The following CAT variants were observed in gnomAD, a reference collection of about 807,000 sequenced individuals.
The protein encoded by CAT is epididymis secretory sperm binding protein.
A neutral mutation model predicts 59.0 loss-of-function variants in CAT; 43 were observed. The observed-to-expected ratio is 0.73, with a 90% CI of 0.57 to 0.94. The LOEUF is 0.94. Among genes scored for constraint, CAT ranks in the 40% least tolerant of loss-of-function variants. The pLI is 0.00. For missense variants in CAT, 664 were observed against 682.9 expected (o/e 0.97, Z 0.31); for synonymous variants, 218 against 230.9 (o/e 0.94, Z 0.51).
In CAT at chr11:34,453,903, G is replaced by C. The variant is rs1298808237; in HGVS notation, c.688G>C (p.Val230Leu). 6.2e-7 allele frequency: 1 copy of C among 1,613,996 alleles called. No individual in the cohort carries two copies. Among genetic ancestry groups the C allele is most frequent in the African/African-American group, 1.3e-5 (1 of 75,062 alleles). Residue 230 changes from valine to leucine, a missense_variant, in exon 6 of 13, where the codon GTT (valine) becomes CTT (leucine). Physicochemically the swap from Val to Leu is conservative, Grantham distance 32 (BLOSUM62 1). Transcript: ENST00000241052. ...GCTGGTTAATGCAAATGGGGAGGCA[G>C]TTTATTGCAAATTCCATTATAAGGT... ...FKLVNANGEA[V>L]YCKFHYKTDQ... is the part of the protein sequence containing the mutation.
At chr11:34,452,995 A>G in intron 4 of CAT, 95 bp from the exon 5 acceptor site, 2 of 781,902 alleles carry the variant, frequency 2.6e-6, no homozygotes, top group Non-Finnish European at 4.5e-6. Flanking sequence ...TTAGAATTAT[A>G]ATCCATAAAC....
intron 1 of CAT, among the ~76,000 whole-genome samples, chr11:34,440,885 T>C (rs889655318): frequency 9.9e-5 from 15 of 152,234 alleles, no homozygotes; most frequent in African/African-American, 3.6e-4. Context: ...ATTCTGAGAC[T>C]AGCTGCCTTC....
In CAT at chr11:34,456,827, G is replaced by T; in HGVS notation, c.1056+10G>T. ...TGACAAAATGCTTCAGGTGAGCCTG[G>T]TGGATTGAGATGTTCTGAGGCAGGT... On this transcript the variant is annotated intron_variant, in intron 8 of 12. Transcript: ENST00000241052. 2 of 1,614,068 alleles carry T rather than the reference G, an allele frequency of 1.2e-6. No homozygotes were observed. The highest frequency in any genetic ancestry group is 1.7e-6 in the Non-Finnish European group (2 of 1,179,992).
chr11:34,464,828 T>C (rs1856694986), intron 10 of CAT, among the ~76,000 whole-genome samples: 1 of 152,120 alleles, frequency 6.6e-6, no homozygotes, highest in Non-Finnish European at 1.5e-5. Context: ...TTATGGCGTC[T>C]TTCTCCATTA....
At chr11:34,452,984 T>C (rs562877132) in intron 4 of CAT, 106 bp from the exon 5 acceptor site, 3 of 760,868 alleles carry the variant, frequency 3.9e-6, no homozygotes, top group Admixed American at 3.7e-5. Context: ...TAGGATTGTA[T>C]TTAGAATTAT....
At chr11:34,465,821 G>C (rs1856708852) in intron 10 of CAT, among the ~76,000 whole-genome samples, 1 of 152,192 alleles carries the variant, frequency 6.6e-6, no homozygotes, top group South Asian at 2.1e-4. Flanking sequence ...CATTGAAAAG[G>C]TAGGTAAAAT....
chr11:34,467,425 A>G (rs1388129302), intron 10 of CAT, among the ~76,000 whole-genome samples: 3 of 152,212 alleles, frequency 2.0e-5, no homozygotes, highest in South Asian at 2.1e-4. Context: ...ACTTTACTCA[A>G]AAATTTAAAA....
chr11:34,453,239 G>A (rs1323537275), intron 5 of CAT, 45 bp downstream of exon 5: 2 of 1,117,548 alleles, frequency 1.8e-6, no homozygotes, highest in Admixed American at 1.7e-5. Flanking sequence ...CTGGGATGCA[G>A]TGTTTAATTA....
In CAT at chr11:34,471,793, TATAAATATATAAAAAGAAAAG is replaced by T. The variant is rs1856776829; in HGVS notation, c.*366_*386del. 1 of 233,352 alleles carries T rather than the reference TATAAATATATAAAAAGAAAAG, an allele frequency of 4.3e-6. No homozygotes were observed. Among genetic ancestry groups the T allele is most frequent in the Non-Finnish European group, 8.6e-6 (1 of 116,156 alleles). The allele number at this position is 233,352 out of a possible 1,614,324, so 14.5% of individuals were successfully genotyped here. A position where few individuals can be genotyped will look rare whatever the true frequency, so the allele number is the denominator to read the frequency against. The stretch of plus-strand genomic sequence containing the variant: ...ATGGCCTATTATATTAAAATATGGC[TATAAATATATAAAAAGAAAAG>T]ATAAAGATGATCTACTCAGAAATTT... On this transcript the variant is annotated 3_prime_UTR_variant, in exon 13 of 13. Coordinates refer to ENST00000241052, the MANE Select transcript of CAT (RefSeq NM_001752.4).
intron 11 of CAT, 91 bp downstream of exon 11, chr11:34,468,486 T>A: frequency 1.1e-6 from 1 of 904,272 alleles, no homozygotes; most frequent in Admixed American, 1.8e-5. Flanking sequence ...GTGCCATTTC[T>A]GTTTTACTTG....
intron 2 of CAT, among the ~76,000 whole-genome samples, chr11:34,449,976 C>T (rs1479201562): frequency 6.6e-6 from 1 of 152,196 alleles, no homozygotes; most frequent in African/African-American, 2.4e-5. Flanking sequence ...TGGACTCACA[C>T]TGGGACCATT....
At chr11:34,457,344 C>T (rs920287138) in intron 8 of CAT, among the ~76,000 whole-genome samples, 1 of 150,816 alleles carries the variant, frequency 6.6e-6, no homozygotes, top group Non-Finnish European at 1.5e-5. Context: ...TCTTGATTAG[C>T]TACAGGCGCC....
intron 4 of CAT, 150 bp from the exon 5 acceptor site, chr11:34,452,940 A>C (rs1302669214): frequency 3.1e-6 from 2 of 654,084 alleles, no homozygotes; most frequent in Non-Finnish European, 5.5e-6. Context: ...TATGCTGAGT[A>C]AATTTCATAT....
intron 8 of CAT, among the ~76,000 whole-genome samples, chr11:34,460,446 C>CTTTT (rs149180752): frequency 2.1e-4 from 18 of 84,498 alleles, no homozygotes; most frequent in African/African-American, 6.1e-4. Flanking sequence ...GTGGGCGGTA[C>CTTTT]TTTTTTTTTT....
At chr11:34,454,574 A>G (rs985089766) in intron 6 of CAT, among the ~76,000 whole-genome samples, 1 of 152,216 alleles carries the variant, frequency 6.6e-6, no homozygotes, top group Non-Finnish European at 1.5e-5. Context: ...TCTTAGTGAC[A>G]TCCAAAAGCC....
Position 34,468,340 on chromosome 11 carries a change from G to T in CAT, c.1379G>T (p.Cys460Phe), listed in dbSNP as rs768238044. 2.5e-6 allele frequency: 4 copies of T among 1,614,156 alleles called. No individual in the cohort carries two copies. In the South Asian group the frequency reaches 4.4e-5, roughly 18 times the overall value. The change falls in exon 11 of 13, where the codon TGT becomes TTT. Residue 460 changes from cysteine (C) to phenylalanine (F), a missense_variant. By Grantham distance (205) the Cys-to-Phe change is radical. Coordinates refer to ENST00000241052, the MANE Select transcript of CAT (RefSeq NM_001752.4). ...AATGAGGAACAGAGGAAACGTCTGT[G>T]TGAGAACATTGCCGGCCACCTGAAG... ...VLNEEQRKRL[C>F]ENIAGHLKDA...
intron 1 of CAT, among the ~76,000 whole-genome samples, chr11:34,446,601 G>A (rs1856458077): frequency 6.6e-6 from 1 of 152,302 alleles, no homozygotes; most frequent in South Asian, 2.1e-4. Flanking sequence ...AACATGTGAT[G>A]TGCTCTCATC....
intron 9 of CAT, among the ~76,000 whole-genome samples, chr11:34,463,235 T>C (rs1282614469): frequency 1.3e-5 from 2 of 152,072 alleles, no homozygotes; most frequent in Non-Finnish European, 2.9e-5. Context: ...AAAATAAATA[T>C]GCTAAAACGA....
intron 10 of CAT, among the ~76,000 whole-genome samples, chr11:34,464,441 C>G (rs890577449): frequency 6.6e-6 from 1 of 152,178 alleles, no homozygotes; most frequent in Non-Finnish European, 1.5e-5. Context: ...TCAAAGCATG[C>G]AGACTCCGTC....
Sources: gnomAD v4.1 joint callset for allele counts (sites outside exome capture counted in the v4.1 genomes callset) on GRCh38, gnomAD v4.1.1 for gene constraint, MANE v1.5 for transcripts, NCBI Gene and HGNC (gene_info 2026-07-23, HGNC 2026-07-21) for gene names.